DNAH6: variants seen among roughly 807,000 people sequenced by gnomAD.
DNAH6 encodes axonemal beta dynein heavy chain 6.
DNAH6 carries 340 observed loss-of-function variants against 491.4 expected under a neutral mutation model. The ratio of observed to expected loss-of-function variants is 0.69; its 90% confidence interval spans 0.63 to 0.76. The LOEUF (loss-of-function observed/expected upper bound fraction) is 0.76. DNAH6 is among the 30% of genes least tolerant of loss of function. The probability of loss-of-function intolerance (pLI) is 0.00; values close to 1 mark genes in which losing one functional copy is unlikely to be tolerated. For missense variants in DNAH6, 4,443 were observed against 4,972.2 expected (o/e 0.89, Z 3.20); for synonymous variants, 1,603 against 1,686.1 (o/e 0.95, Z 1.21).
intron 50 of DNAH6, 28 bp from the exon 51 acceptor site, chr2:84,704,039 A>G (rs1454852228): frequency 5.3e-6 from 8 of 1,506,860 alleles, no homozygotes; most frequent in Non-Finnish European, 7.2e-6. Context: ...TAATGAGGCC[A>G]CTTAAGCAGT....
At chr2:84,605,635 C>A in intron 20 of DNAH6, 43 bp downstream of exon 20, 1 of 1,250,588 alleles carries the variant, frequency 8.0e-7, no homozygotes, top group Non-Finnish European at 1.1e-6. Context: ...AAGATCCCAG[C>A]CACACCTAGT....
At chr2:84,810,015 G>A (rs1183360787) in intron 72 of DNAH6, among the ~76,000 whole-genome samples, 1 of 152,052 alleles carries the variant, frequency 6.6e-6, no homozygotes, top group Non-Finnish European at 1.5e-5. Flanking sequence ...TTTGTTCTGA[G>A]GAACACCAGC....
At chr2:84,731,442 T>A (rs1699105290) in intron 61 of DNAH6, among the ~76,000 whole-genome samples, 1 of 152,184 alleles carries the variant, frequency 6.6e-6, no homozygotes, top group African/African-American at 2.4e-5. Context: ...AAGATAGTAA[T>A]TCCTCAATGG....
At chr2:84,646,212 A>G (rs748371802) in intron 33 of DNAH6, among the ~76,000 whole-genome samples, 1 of 152,174 alleles carries the variant, frequency 6.6e-6, no homozygotes, top group Non-Finnish European at 1.5e-5. Context: ...TGGGAGCACC[A>G]CAAACTGCAC....
At chr2:84,777,307 C>T in intron 64 of DNAH6, 1 of 293,622 alleles carries the variant, frequency 3.4e-6, no homozygotes, top group Admixed American at 4.1e-5. Flanking sequence ...ATGCACTCTT[C>T]TTCAAACAGA....
the DNAH6 span, among the ~76,000 whole-genome samples, chr2:84,499,517 T>C: frequency 6.6e-6 from 1 of 152,234 alleles, no homozygotes; most frequent in Non-Finnish European, 1.5e-5. Context: ...AGTACAGATA[T>C]CTCTTCAATA....
At chr2:84,613,142 A>T (rs35024705) in intron 22 of DNAH6, among the ~76,000 whole-genome samples, 5,346 of 149,956 alleles carry the variant, frequency 0.036, 136 homozygotes, top group Non-Finnish European at 0.053. Context: ...AGAGAGAGAG[A>T]GAGTGTGTGT....
At chr2:84,638,206 G>A (rs1368017318) in intron 31 of DNAH6, among the ~76,000 whole-genome samples, 1 of 151,836 alleles carries the variant, frequency 6.6e-6, no homozygotes, top group Non-Finnish European at 1.5e-5. Flanking sequence ...GAGAAACAGG[G>A]TCTCACTATG....
At chr2:84,719,123 T>C (rs1246581785) in intron 59 of DNAH6, among the ~76,000 whole-genome samples, 1 of 152,246 alleles carries the variant, frequency 6.6e-6, no homozygotes, top group African/African-American at 2.4e-5. Flanking sequence ...ACATAGGTTA[T>C]GTTTTTTGCT....
chr2:84,685,231 T>C (rs908838760), intron 42 of DNAH6, 95 bp from the exon 43 acceptor site: 1 of 916,372 alleles, frequency 1.1e-6, no homozygotes. Flanking sequence ...AATATGAGGG[T>C]AAAGTTGTAC....
At position 84,812,333 on chromosome 2, in the gene DNAH6, T is replaced by C; in HGVS notation, c.11740-8T>C. 6.4e-7 allele frequency: 1 copy of C among 1,550,532 alleles called. No homozygotes were observed. The highest frequency in any genetic ancestry group is 8.7e-7 in the Non-Finnish European group (1 of 1,146,198). On this transcript the variant is annotated splice_polypyrimidine_tract_variant and splice_region_variant and intron_variant, in intron 72 of 76. Coordinates refer to ENST00000389394, the MANE Select transcript of DNAH6 (RefSeq NM_001370.2). ...CAAAGGCCACCAACCCCTTTTTTGTTCTTTCAGACTTCTCTGGAAACACTC... is the reference window on the plus strand; with the variant it reads ...CAAAGGCCACCAACCCCTTTTTTGTCCTTTCAGACTTCTCTGGAAACACTC...
intron 37 of DNAH6, among the ~76,000 whole-genome samples, chr2:84,669,044 G>T (rs1376452981): frequency 6.6e-6 from 1 of 152,102 alleles, no homozygotes; most frequent in Non-Finnish European, 1.5e-5. Context: ...TAATTAAAAA[G>T]CTATACAATT....
intron 60 of DNAH6, among the ~76,000 whole-genome samples, chr2:84,727,239 A>G (rs1437123836): frequency 6.6e-6 from 1 of 152,012 alleles, no homozygotes; most frequent in East Asian, 1.9e-4. Flanking sequence ...TATTGTCAAG[A>G]GCTTGGTGTT....
At chr2:84,469,021 T>C in the DNAH6 span, among the ~76,000 whole-genome samples, 1 of 152,230 alleles carries the variant, frequency 6.6e-6, no homozygotes, top group African/African-American at 2.4e-5. The surrounding 1 kb of genome is among the most constrained non-coding windows in gnomAD (Gnocchi z 4.0). Flanking sequence ...ACAGGTGTTC[T>C]AAGCCCATGT....
chr2:84,606,656 G>C (rs1685802249), intron 20 of DNAH6, among the ~76,000 whole-genome samples: 1 of 152,138 alleles, frequency 6.6e-6, no homozygotes, highest in South Asian at 2.1e-4. Flanking sequence ...ACCAAATTGT[G>C]TTAAGAAGGT....
chr2:84,658,324 T>A lies in DNAH6; in HGVS notation c.5790T>A (p.Asn1930Lys). The change falls in exon 36 of 77, where the codon AAT (asparagine) becomes AAA (lysine). Residue 1930 changes from asparagine to lysine, a missense_variant. Asn to Lys is a moderately conservative substitution (Grantham distance 94). This residue lies in a region of DNAH6 where 2,977 missense variants were observed against 3,296.6 expected (regional missense o/e 0.90). Transcript: ENST00000389394. ...LTEETQEYIL[N>K]LFQRYVDEGL... ...AGGAAACCCAAGAATATATATTGAA[T>A]CTTTTCCAACGTTATGTTGATGAAG... 1 of 1,541,788 alleles carries A rather than the reference T, an allele frequency of 6.5e-7. No individual in the cohort carries two copies. The highest frequency in any genetic ancestry group is 8.8e-7 in the Non-Finnish European group (1 of 1,142,854).
intron 56 of DNAH6, among the ~76,000 whole-genome samples, chr2:84,711,885 C>T (rs1284382282): frequency 6.6e-6 from 1 of 152,240 alleles, no homozygotes; most frequent in Admixed American, 6.5e-5. Context: ...GACTCCTGAA[C>T]TCAGGTTTAC....
At chr2:84,759,904 G>T (rs1267147626) in intron 63 of DNAH6, among the ~76,000 whole-genome samples, 1 of 152,126 alleles carries the variant, frequency 6.6e-6, no homozygotes, top group African/African-American at 2.4e-5. Flanking sequence ...ATGAAGTGCT[G>T]ACATCAAATT....
At chr2:84,471,515 G>A in the DNAH6 span, among the ~76,000 whole-genome samples, 6 of 152,302 alleles carry the variant, frequency 3.9e-5, no homozygotes, top group South Asian at 1.2e-3. Context: ...AGGGTCTCTT[G>A]TATTCAGGGT....
Sources: gnomAD v4.1 joint callset for allele counts (sites outside exome capture counted in the v4.1 genomes callset) on GRCh38, gnomAD v4.1.1 for gene constraint, gnomAD v4.1.1 regional missense constraint, Gnocchi (gnomAD v3.1) non-coding constraint, MANE v1.5 for transcripts, NCBI Gene and HGNC (gene_info 2026-07-23, HGNC 2026-07-21) for gene names.